Variants in TRIM36 observed in about 807,000 individuals in gnomAD.
TRIM36 encodes tripartite motif containing 36, also known as E3 ubiquitin-protein ligase TRIM36.
In TRIM36, 42 loss-of-function variants were observed where a neutral mutation model predicts 72.4. That is an observed-to-expected ratio of 0.58 (90% CI 0.45 to 0.75). TRIM36 has a LOEUF of 0.75. Among genes scored for constraint, TRIM36 ranks in the 30% least tolerant of loss-of-function variants. The probability of loss-of-function intolerance (pLI) is 0.00; values close to 1 mark genes in which losing one functional copy is unlikely to be tolerated. For synonymous variants in TRIM36, 315 were observed against 282.8 expected (o/e 1.11, Z -1.14); for missense variants, 913 against 857.1 (o/e 1.07, Z -0.81).
Position 115,169,673 on chromosome 5 carries a change from C to T in TRIM36, c.-39G>A. 1 of 1,516,146 alleles carries T rather than the reference C, an allele frequency of 6.6e-7. No homozygotes were observed. The allele number at this position is 1,516,146 out of a possible 1,614,324, so 93.9% of individuals were successfully genotyped here. ...CAGGTGTCATCAGCGGCACGTTCCACTCACACCGGCTACCGAGCGCAGGGT... is the reference window on the plus strand; with the variant it reads ...CAGGTGTCATCAGCGGCACGTTCCATTCACACCGGCTACCGAGCGCAGGGT... On this transcript the variant is annotated 5_prime_UTR_variant, in exon 1 of 10. The change creates a new upstream start codon in the 5' untranslated region. Transcript: ENST00000513154.
chr5:115,129,422 G>A (rs558666613), intron 9 of TRIM36, among the ~76,000 whole-genome samples: 2 of 152,294 alleles, frequency 1.3e-5, no homozygotes, highest in South Asian at 2.1e-4. Context: ...GCCGGGTGTG[G>A]TGGTGCATGC....
At position 115,130,531 on chromosome 5, in the gene TRIM36, A is replaced by G. The variant is rs964296794; in HGVS notation, c.1796+61T>C. 8 of 1,524,716 alleles carry G rather than the reference A, an allele frequency of 5.2e-6. No individual in the cohort carries two copies. The African/African-American group carries it at 1.1e-4, about 21-fold the overall frequency. 94.4% of individuals were successfully genotyped at this position (1,524,716 alleles called of 1,614,324 possible). On this transcript the variant is annotated intron_variant, in intron 9 of 9. Coordinates refer to ENST00000513154, the MANE Select transcript of TRIM36 (RefSeq NM_001300759.2). Reference sequence around the variant, plus strand: ...GTATACTCCAAATGTAACAAAGCCAAATCTATTTTCAGGCTTACTTTTAAA... The same window carrying G: ...GTATACTCCAAATGTAACAAAGCCAGATCTATTTTCAGGCTTACTTTTAAA...
chr5:115,171,066 T>A, upstream of TRIM36: 1 of 1,613,708 alleles, frequency 6.2e-7, no homozygotes. Flanking sequence ...AATTGCTGGG[T>A]AAGTAGGGAC....
intron 1 of TRIM36, among the ~76,000 whole-genome samples, chr5:115,179,237 C>A (rs894674334): frequency 1.3e-5 from 2 of 152,212 alleles, no homozygotes; most frequent in Non-Finnish European, 2.9e-5. Flanking sequence ...AGCCCAGCCT[C>A]CCGCACTGAC....
At chr5:115,175,552 T>C (rs1286450846) in intron 1 of TRIM36, among the ~76,000 whole-genome samples, 1 of 152,180 alleles carries the variant, frequency 6.6e-6, no homozygotes, top group Non-Finnish European at 1.5e-5. Context: ...CCAGCATCCT[T>C]ATTGCACTGC....
rs1333060321 is a variant in TRIM36 at position 115,169,701 on chromosome 5, G to A, written c.-67C>T. ...ACACCGGCTACCGAGCGCAGGGTCT[G>A]GTGGGCGGGTCCCTGCGGCGGCCGT... On this transcript the variant is annotated 5_prime_UTR_variant, in exon 1 of 10. Transcript: ENST00000513154. 1.3e-5 allele frequency: 19 copies of A among 1,502,604 alleles called. No individual in the cohort carries two copies. The highest frequency in any genetic ancestry group is 1.6e-5 in the Non-Finnish European group (18 of 1,127,006). The allele number at this position is 1,502,604 out of a possible 1,614,324, so 93.1% of individuals were successfully genotyped here.
chr5:115,132,184 A>ATGTGTGTGTG (rs141231840), intron 8 of TRIM36, among the ~76,000 whole-genome samples: 1 of 140,132 alleles, frequency 7.1e-6, no homozygotes, highest in South Asian at 2.3e-4. Flanking sequence ...CTCTCTCTCT[A>ATGTGTGTGTG]TGTGTGTGTG....
At chr5:115,169,543 AAGAG>A (rs1453217665) in intron 1 of TRIM36, 61 bp downstream of exon 1, 3 of 1,468,740 alleles carry the variant, frequency 2.0e-6, no homozygotes, top group Non-Finnish European at 2.7e-6. Flanking sequence ...CGGCGGAGGA[AAGAG>A]AAAGAGCCGC....
intron 1 of TRIM36, among the ~76,000 whole-genome samples, chr5:115,176,000 C>G (rs1328726085): frequency 6.6e-6 from 1 of 152,014 alleles, no homozygotes; most frequent in Non-Finnish European, 1.5e-5. Flanking sequence ...GTGGCGTGTG[C>G]CTGTAGTCCC....
chr5:115,131,922 A>C (rs1488488959), intron 8 of TRIM36, among the ~76,000 whole-genome samples: 1 of 152,212 alleles, frequency 6.6e-6, no homozygotes, highest in Non-Finnish European at 1.5e-5. Flanking sequence ...GTTTCAGTTT[A>C]GAATAATGAA....
intron 2 of TRIM36, among the ~76,000 whole-genome samples, chr5:115,148,051 G>A (rs1213881163): frequency 6.6e-6 from 1 of 152,184 alleles, no homozygotes; most frequent in African/African-American, 2.4e-5. Flanking sequence ...ATTCAGTAGG[G>A]AAGATCATTA....
At chr5:115,153,256 C>G (rs866018862) in intron 2 of TRIM36, among the ~76,000 whole-genome samples, 1 of 152,142 alleles carries the variant, frequency 6.6e-6, no homozygotes, top group South Asian at 2.1e-4. Flanking sequence ...TCAGACAAAA[C>G]AAACTTTAAA....
At chr5:115,179,129 C>G (rs752643360) in intron 1 of TRIM36, among the ~76,000 whole-genome samples, 1 of 152,190 alleles carries the variant, frequency 6.6e-6, no homozygotes, top group East Asian at 1.9e-4. Flanking sequence ...CTGCGAGTTC[C>G]GGAGGGCAGT....
upstream of TRIM36, chr5:115,170,039 G>C (rs111318384): frequency 7.4e-4 from 710 of 961,952 alleles, 8 homozygotes; most frequent in African/African-American, 0.012. Flanking sequence ...CTGGTAGGCC[G>C]GGTGTCTGAG....
Position 115,130,751 on chromosome 5 carries a change from G to C in TRIM36, c.1637C>G (p.Thr546Arg). The change falls in exon 9 of 10, where the codon ACA (threonine) becomes AGA (arginine). Residue 546 changes from threonine (T) to arginine (R), a missense_variant. Thr to Arg is a moderately conservative substitution (Grantham distance 71). Transcript: ENST00000513154. ...AAERIQVGYY[T>R]SLDYIIGDTG... The stretch of plus-strand genomic sequence containing the variant: ...ATCTCCAATGATGTAGTCTAAGCTT[G>C]TGTAATAACCCACTTGGATGCGTTC... 6.2e-7 allele frequency: 1 copy of C among 1,614,136 alleles called. No homozygotes were observed. Among genetic ancestry groups the C allele is most frequent in the Non-Finnish European group, 8.5e-7 (1 of 1,180,030 alleles).
chr5:115,150,996 G>A (rs1753860723), intron 2 of TRIM36, among the ~76,000 whole-genome samples: 1 of 152,212 alleles, frequency 6.6e-6, no homozygotes, highest in African/African-American at 2.4e-5. Flanking sequence ...TCCAGCTAAA[G>A]TTTGTAACAA....
intron 1 of TRIM36, among the ~76,000 whole-genome samples, chr5:115,167,739 C>T (rs1754867469): frequency 6.6e-6 from 1 of 152,228 alleles, no homozygotes; most frequent in Non-Finnish European, 1.5e-5. Context: ...CTGTTCCAAT[C>T]TCTGCCTGTT....
In TRIM36 at chr5:115,126,844, T is replaced by A; in HGVS notation, c.1810A>T (p.Ser604Cys). 6.2e-7 allele frequency: 1 copy of A among 1,610,650 alleles called. No homozygotes were observed. The highest frequency in any genetic ancestry group is 1.1e-5 in the South Asian group (1 of 90,566). Reference sequence around the variant, plus strand: ...TCCTCACTTCCACTGTCATGCCCACTGTCTTGCTCATATCTGAAACATAAT... The same window carrying A: ...TCCTCACTTCCACTGTCATGCCCACAGTCTTGCTCATATCTGAAACATAAT... Reference protein sequence around the residue: ...DAVSPRYEQDSGHDSGSEDAC... With the variant: ...DAVSPRYEQDCGHDSGSEDAC... Residue 604 changes from serine (S) to cysteine (C), a missense_variant, in exon 10 of 10, where the codon AGT becomes TGT. By Grantham distance (112) the Ser-to-Cys change is moderately radical. Transcript: ENST00000513154.
In TRIM36 at chr5:115,143,155, G is replaced by C. The variant is rs74957102; in HGVS notation, c.735+1443C>G. ...AGCCCAGGCAAAGAATCACCCTACA[G>C]GTTCAAGGAAACAATCCCAGGAGCT... is the stretch of plus-strand genomic sequence containing the variant. On this transcript the variant is annotated intron_variant, in intron 4 of 9. Coordinates refer to ENST00000513154, the MANE Select transcript of TRIM36 (RefSeq NM_001300759.2). Among the ~76,000 whole-genome samples the C allele has an allele frequency of 9.6e-3, 1,301 of 135,876 alleles. 18 individuals carry two copies. The highest frequency in any genetic ancestry group is 0.035 in the African/African-American group (1,257 of 35,576). 89.1% of individuals were successfully genotyped at this position (135,876 alleles called of 152,430 possible).
Sources: gnomAD v4.1 joint callset for allele counts (sites outside exome capture counted in the v4.1 genomes callset) on GRCh38, gnomAD v4.1.1 for gene constraint, MANE v1.5 for transcripts, NCBI Gene and HGNC (gene_info 2026-07-23, HGNC 2026-07-21) for gene names.